MYO9B: variants seen among roughly 807,000 people sequenced by gnomAD.
MYO9B encodes the protein myosin IXB.
Under a neutral mutation model 229.5 loss-of-function variants are expected in MYO9B, and 71 were observed. The observed-to-expected ratio is 0.31, with a 90% confidence interval of 0.26 to 0.38. The LOEUF (loss-of-function observed/expected upper bound fraction) is 0.38, where lower values mean the gene tolerates loss of function less well. Ranked by LOEUF, MYO9B falls within the 10% of genes least tolerant of loss-of-function variation. MYO9B has a pLI of 1.00. For missense variants in MYO9B, 2,255 were observed against 2,920.5 expected, an observed-to-expected ratio of 0.77 and a Z score of 5.25; for synonymous variants, 1,185 against 1,235.8, an observed-to-expected ratio of 0.96 and a Z score of 0.86.
chr19:17,132,617 C>T (rs2072215241), intron 2 of MYO9B, among the ~76,000 whole-genome samples: 1 of 148,956 alleles, frequency 6.7e-6, no homozygotes, highest in African/African-American at 2.5e-5. Context: ...CAAGCTCCAC[C>T]TCCCAGGTTC....
intron 14 of MYO9B, among the ~76,000 whole-genome samples, chr19:17,178,991 A>G (rs2072822777): frequency 6.8e-6 from 1 of 146,766 alleles, no homozygotes; most frequent in African/African-American, 2.5e-5. Context: ...AGATCACACC[A>G]CTGCACTCCA....
intron 1 of MYO9B, among the ~76,000 whole-genome samples, chr19:17,083,332 T>C (rs1197920694): frequency 6.6e-6 from 1 of 151,996 alleles, no homozygotes; most frequent in East Asian, 1.9e-4. Context: ...GCCCAGCCAC[T>C]TTTCTGATTG....
chr19:17,179,027 TAAA>T (rs779765764), intron 14 of MYO9B, among the ~76,000 whole-genome samples: 1 of 96,930 alleles, frequency 1.0e-5, no homozygotes. Context: ...CAAGACTCTG[TAAA>T]AAAAAAAAAA....
chr19:17,182,927 TG>T (rs978174500), intron 15 of MYO9B, among the ~76,000 whole-genome samples: 1 of 151,720 alleles, frequency 6.6e-6, no homozygotes, highest in Non-Finnish European at 1.5e-5. Context: ...CTTTGGGTTT[TG>T]GGGGGGGTTT....
chr19:17,104,147 G>A (rs2057771899), intron 2 of MYO9B, among the ~76,000 whole-genome samples: 2 of 152,124 alleles, frequency 1.3e-5, no homozygotes, highest in South Asian at 4.1e-4. Flanking sequence ...AAAGGCTGGT[G>A]TATTCAAACC....
At position 17,172,985 on chromosome 19, in the gene MYO9B, C is replaced by T. The variant is rs1437138537; in HGVS notation, c.2140+22C>T. On this transcript the variant is annotated intron_variant, in intron 13 of 39. Coordinates refer to ENST00000682292, the MANE Select transcript of MYO9B (RefSeq NM_004145.4). This position sits in a 1 kb window ranked among gnomAD's most constrained non-coding sequence, Gnocchi z 8.2. ...GCAGGTGGGAGCTGGGGCGTGAACC[C>T]ACAAAAGCGTCACTGTCGAGAGGGG... 6.3e-7 allele frequency: 1 copy of T among 1,593,760 alleles called. No homozygotes were observed. Among genetic ancestry groups the T allele is most frequent in the Non-Finnish European group, 8.5e-7 (1 of 1,177,004 alleles).
At chr19:17,210,190 G>C in intron 36 of MYO9B, 143 bp from the exon 37 acceptor site, 1 of 764,896 alleles carries the variant, frequency 1.3e-6, no homozygotes, top group South Asian at 2.0e-5. Flanking sequence ...CACAGTGCAG[G>C]GGTGTGTTAG....
intron 2 of MYO9B, 41 bp downstream of exon 2, chr19:17,102,598 G>C: frequency 6.7e-7 from 1 of 1,502,564 alleles, no homozygotes; most frequent in Non-Finnish European, 8.9e-7. Flanking sequence ...GGGGGCATTT[G>C]TTTGGAAAAT....
chr19:17,179,908 ATAAAAT>A (rs2072837231), intron 14 of MYO9B, among the ~76,000 whole-genome samples: 1 of 149,414 alleles, frequency 6.7e-6, no homozygotes, highest in South Asian at 2.1e-4. Flanking sequence ...CCAAAAAAAA[ATAAAAT>A]AAAAATAAAA....
chr19:17,117,302 C>T (rs2057914352), intron 2 of MYO9B, among the ~76,000 whole-genome samples: 1 of 152,204 alleles, frequency 6.6e-6, no homozygotes, highest in Non-Finnish European at 1.5e-5. Flanking sequence ...TCGCCCTGGG[C>T]AGCTCAGTCC....
Position 17,144,743 on chromosome 19 carries a change from C to T in MYO9B, c.841-654C>T, listed in dbSNP as rs561005416. ...CAGCACTTTGGGAGGCCAAGGTGGG[C>T]GGATTGTCTGAGCTCAGGAGTTCGA... On this transcript the variant is annotated intron_variant, in intron 2 of 39. Transcript: ENST00000682292. Among the ~76,000 whole-genome samples the T allele has an allele frequency of 1.5e-3, 227 of 151,560 alleles. 1 individual carries two copies. The highest frequency in any genetic ancestry group is 2.8e-3 in the Non-Finnish European group (188 of 67,848).
chr19:17,093,685 GC>G (rs2123488927), intron 1 of MYO9B, among the ~76,000 whole-genome samples: 2 of 46,838 alleles, frequency 4.3e-5, no homozygotes, highest in African/African-American at 2.3e-4. Flanking sequence ...CAGTTTTTTT[GC>G]GGGGGGTGGG....
intron 2 of MYO9B, among the ~76,000 whole-genome samples, chr19:17,118,177 G>A (rs1044665410): frequency 2.0e-5 from 3 of 151,950 alleles, no homozygotes; most frequent in South Asian, 2.1e-4. Flanking sequence ...AGAATGACCC[G>A]GCTGCAAATG....
chr19:17,120,494 T>G (rs964677510), intron 2 of MYO9B, among the ~76,000 whole-genome samples: 9 of 150,990 alleles, frequency 6.0e-5, no homozygotes, highest in Admixed American at 3.3e-4. Flanking sequence ...AATAAAAATA[T>G]TAGCCAGGCA....
At position 17,102,381 on chromosome 19, in the gene MYO9B, G is replaced by A. The variant is rs745758080; in HGVS notation, c.664G>A (p.Ala222Thr). ...ACACGTCTTCGCGCTGGCCGACGTG[G>A]CCTACTACACCATGCTCAGGAAGCG... ...EPHVFALADV[A>T]YYTMLRKRVN... Residue 222 changes from alanine (A) to threonine (T), a missense_variant, in exon 2 of 40, where the codon GCC (alanine) becomes ACC (threonine). This residue lies in a region of MYO9B where 386 missense variants were observed against 515.2 expected (regional missense o/e 0.75). Transcript: ENST00000682292. The A allele has an allele frequency of 9.9e-6, 16 of 1,613,982 alleles. 1 individual carries two copies. The South Asian group carries it at 1.5e-4, about 16-fold the overall frequency.
intron 6 of MYO9B, 147 bp downstream of exon 6, chr19:17,154,562 A>G (rs1599375676): frequency 3.6e-6 from 2 of 559,690 alleles, no homozygotes; most frequent in East Asian, 2.9e-5. Context: ...AGTGTGGCCC[A>G]ATAGCAGCGA....
chr19:17,091,296 G>A (rs1023887368), intron 1 of MYO9B, among the ~76,000 whole-genome samples: 43 of 152,248 alleles, frequency 2.8e-4, no homozygotes, highest in African/African-American at 1.0e-3. Context: ...CATGATCACA[G>A]CTCACTGCAG....
intron 3 of MYO9B, among the ~76,000 whole-genome samples, chr19:17,146,495 A>G (rs974630340): frequency 2.6e-5 from 4 of 151,486 alleles, no homozygotes; most frequent in African/African-American, 4.9e-5. Flanking sequence ...GAATGGATAG[A>G]ATCATAGGTA....
rs781508074 is a variant in MYO9B, at chr19:17,197,800, G to C, written c.4055G>C (p.Arg1352Pro). ...GAALTPTEER[R>P]TSFSTSDVSK... ...TTTCTGTGATCTCGCAGGGAGAGGC[G>C]CACCTCCTTCTCCACGAGCGACGTC... is the stretch of plus-strand genomic sequence containing the variant. Residue 1352 changes from arginine (R) to proline (P), a missense_variant, in exon 23 of 40, where the codon CGC becomes CCC. By Grantham distance (103) the Arg-to-Pro change is moderately radical. This residue lies in a region of MYO9B where 679 missense variants were observed against 770.2 expected (regional missense o/e 0.88). Coordinates refer to ENST00000682292, the MANE Select transcript of MYO9B (RefSeq NM_004145.4). 6.2e-7 allele frequency: 1 copy of C among 1,613,726 alleles called. No homozygotes were observed. The highest frequency in any genetic ancestry group is 8.5e-7 in the Non-Finnish European group (1 of 1,179,850).
Sources: allele counts gnomAD v4.1 joint callset (sites outside exome capture counted in the v4.1 genomes callset), GRCh38; gene constraint gnomAD v4.1.1; regional missense constraint gnomAD v4.1.1; non-coding constraint Gnocchi (gnomAD v3.1); transcripts MANE v1.5; gene names NCBI Gene and HGNC (gene_info 2026-07-23, HGNC 2026-07-21).